Variants in TMEM132C observed in about 807,000 individuals in gnomAD.
TMEM132C encodes the protein protein phosphatase 1, regulatory subunit 152.
TMEM132C carries 29 observed loss-of-function variants against 61.4 expected under a neutral mutation model. The ratio of observed to expected loss-of-function variants is 0.47; its 90% confidence interval spans 0.35 to 0.64. TMEM132C has a LOEUF of 0.64. TMEM132C is among the 30% of genes least tolerant of loss of function. The pLI, the probability that TMEM132C is intolerant of heterozygous loss-of-function variation, is 0.00. For missense variants in TMEM132C, 1,408 were observed against 1,476.9 expected, an observed-to-expected ratio of 0.95 and a Z score of 0.76; for synonymous variants, 656 against 633.1, an observed-to-expected ratio of 1.04 and a Z score of -0.54.
intron 1 of TMEM132C, among the ~76,000 whole-genome samples, chr12:128,395,760 TA>T (rs1874928932): frequency 6.6e-6 from 1 of 152,220 alleles, no homozygotes; most frequent in African/African-American, 2.4e-5. Flanking sequence ...CACACCGTCA[TA>T]AAGTAGAAAA....
At chr12:128,335,381 C>T (rs1872767334) in intron 1 of TMEM132C, among the ~76,000 whole-genome samples, 1 of 152,098 alleles carries the variant, frequency 6.6e-6, no homozygotes, top group African/African-American at 2.4e-5. Context: ...TGTGTATTGG[C>T]CTTTTGAATG....
intron 3 of TMEM132C, among the ~76,000 whole-genome samples, chr12:128,615,698 C>CA (rs1185873381): frequency 6.6e-6 from 1 of 152,158 alleles, no homozygotes; most frequent in African/African-American, 2.4e-5. Context: ...ACTTACCCGC[C>CA]ACTCACCTCC....
rs1285576294 is a variant in TMEM132C at position 128,695,950 on chromosome 12, A to G, written c.1776A>G (p.Pro592=). The G allele has an allele frequency of 2.6e-6, 4 of 1,551,768 alleles. No individual in the cohort carries two copies. Among genetic ancestry groups the G allele is most frequent in the South Asian group, 1.2e-5 (1 of 84,054 alleles). ...AGTTTGTGTCTGAGGGCGCCGGTCCATGGGGCCAGCCGAACTACCTGCTTA... is the reference window on the plus strand; with the variant it reads ...AGTTTGTGTCTGAGGGCGCCGGTCCGTGGGGCCAGCCGAACTACCTGCTTA... The part of the protein sequence containing the change: ...LTQFVSEGAG[P]WGQPNYLLSP... Residue 592 remains proline, a synonymous_variant, in exon 7 of 9, where the codon CCA becomes CCG. Transcript: ENST00000435159.
intron 2 of TMEM132C, among the ~76,000 whole-genome samples, chr12:128,469,429 C>T (rs894737984): frequency 5.3e-5 from 8 of 151,576 alleles, no homozygotes; most frequent in Admixed American, 3.9e-4. Context: ...GATCCTCCCA[C>T]CTCAGCCTCC....
chr12:128,585,780 G>A (rs1374556520), intron 3 of TMEM132C, among the ~76,000 whole-genome samples: 1 of 152,196 alleles, frequency 6.6e-6, no homozygotes, highest in Non-Finnish European at 1.5e-5. Context: ...CCATGAAATC[G>A]GCCCGTCGCT....
intron 5 of TMEM132C, among the ~76,000 whole-genome samples, chr12:128,692,654 G>A (rs902488165): frequency 9.9e-5 from 15 of 152,214 alleles, no homozygotes; most frequent in East Asian, 7.7e-4. Context: ...ATTTTTTACC[G>A]GTCACAGTCC....
intron 3 of TMEM132C, among the ~76,000 whole-genome samples, chr12:128,545,010 G>A (rs557867547): frequency 6.6e-6 from 1 of 152,156 alleles, no homozygotes; most frequent in Non-Finnish European, 1.5e-5. Flanking sequence ...ACATGTGCAG[G>A]TTTGTTACGT....
At chr12:128,649,751 A>T (rs1453340806) in intron 4 of TMEM132C, among the ~76,000 whole-genome samples, 1 of 152,166 alleles carries the variant, frequency 6.6e-6, no homozygotes, top group Non-Finnish European at 1.5e-5. Context: ...CCCATGTGCC[A>T]CCCCAAAGGA....
intron 2 of TMEM132C, among the ~76,000 whole-genome samples, chr12:128,463,691 T>G (rs1481778000): frequency 4.0e-5 from 6 of 151,838 alleles, no homozygotes; most frequent in Non-Finnish European, 5.9e-5. Context: ...TCCCCGTTCC[T>G]CTCCCATCTC....
chr12:128,593,256 C>T (rs777188392), intron 3 of TMEM132C, among the ~76,000 whole-genome samples: 1 of 151,132 alleles, frequency 6.6e-6, no homozygotes, highest in East Asian at 2.0e-4. Flanking sequence ...CTTATCTTCT[C>T]TCTTACCTCT....
intron 2 of TMEM132C, among the ~76,000 whole-genome samples, chr12:128,456,826 C>T (rs751064490): frequency 1.3e-5 from 2 of 152,178 alleles, no homozygotes; most frequent in Non-Finnish European, 2.9e-5. Flanking sequence ...CCCATCTGCT[C>T]CATGCCGAAG....
intron 4 of TMEM132C, among the ~76,000 whole-genome samples, chr12:128,617,668 A>G (rs558900928): frequency 5.9e-5 from 9 of 151,318 alleles, no homozygotes; most frequent in Admixed American, 4.6e-4. Context: ...GGGCAGGTGT[A>G]GAGTCAGGTG....
intron 1 of TMEM132C, among the ~76,000 whole-genome samples, chr12:128,290,450 C>T (rs1871212752): frequency 6.6e-6 from 1 of 152,118 alleles, no homozygotes; most frequent in South Asian, 2.1e-4. Flanking sequence ...CCATTCACCC[C>T]CGACCAGGTC....
At chr12:128,437,292 TAATAA>T (rs1869632809) in intron 2 of TMEM132C, among the ~76,000 whole-genome samples, 1 of 152,052 alleles carries the variant, frequency 6.6e-6, no homozygotes, top group African/African-American at 2.4e-5. Flanking sequence ...ACTTAAAGTT[TAATAA>T]AATAAATAAA....
chr12:128,627,454 T>C (rs1185688133), intron 4 of TMEM132C, among the ~76,000 whole-genome samples: 1 of 152,218 alleles, frequency 6.6e-6, no homozygotes, highest in African/African-American at 2.4e-5. Flanking sequence ...CACCCCAGTC[T>C]GGAATGCTGG....
At position 128,415,746 on chromosome 12, in the gene TMEM132C, C is replaced by G. The variant is rs1868760448; in HGVS notation, c.974+126C>G. The G allele has an allele frequency of 9.0e-7, 1 of 1,115,408 alleles. No individual in the cohort carries two copies. The highest frequency in any genetic ancestry group is 1.6e-5 in the African/African-American group (1 of 63,430). 69.1% of individuals were successfully genotyped at this position (1,115,408 alleles called of 1,614,324 possible). On this transcript the variant is annotated intron_variant, in intron 2 of 8. Transcript: ENST00000435159. This position sits in a 1 kb window ranked among gnomAD's most constrained non-coding sequence, Gnocchi z 5.8. ...ACCTTCAGGGACCGTTTGGCATTAA[C>G]AGGGGAAGGCAAATTATGCACCTGC...
chr12:128,470,816 C>T (rs185383672), intron 2 of TMEM132C, among the ~76,000 whole-genome samples: 272 of 152,292 alleles, frequency 1.8e-3, no homozygotes, highest in Non-Finnish European at 2.8e-3. Flanking sequence ...TGCAGCTACT[C>T]AACTCTGTCT....
intron 2 of TMEM132C, among the ~76,000 whole-genome samples, chr12:128,525,104 A>G (rs1873038776): frequency 6.6e-6 from 1 of 152,160 alleles, no homozygotes; most frequent in Non-Finnish European, 1.5e-5. Context: ...ATGCTGTTAG[A>G]TTGCAGGTGG....
chr12:128,322,982 C>T (rs1238079861), intron 1 of TMEM132C, among the ~76,000 whole-genome samples: 1 of 152,148 alleles, frequency 6.6e-6, no homozygotes, highest in Non-Finnish European at 1.5e-5. Flanking sequence ...CAAGTGCCTG[C>T]CCTGTTCTAG....
Sources: gnomAD v4.1 joint callset for allele counts (sites outside exome capture counted in the v4.1 genomes callset) on GRCh38, gnomAD v4.1.1 for gene constraint, Gnocchi (gnomAD v3.1) non-coding constraint, MANE v1.5 for transcripts, NCBI Gene and HGNC (gene_info 2026-07-23, HGNC 2026-07-21) for gene names.